Variants in MAML2 observed in about 807,000 individuals in gnomAD.
The protein encoded by MAML2 is mastermind-like protein 2.
In MAML2, 22 loss-of-function variants were observed where a neutral mutation model predicts 96.1. That is an observed-to-expected ratio of 0.23 (90% CI 0.16 to 0.33). MAML2 has a LOEUF of 0.33. MAML2 is among the 10% of genes least tolerant of loss of function. The pLI is 1.00. For missense variants in MAML2, 1,367 were observed against 1,392.4 expected (o/e 0.98, Z 0.29); for synonymous variants, 561 against 521.3 (o/e 1.08, Z -1.04).
At chr11:96,003,434 T>TC (rs397849584) in intron 2 of MAML2, among the ~76,000 whole-genome samples, 1 of 152,032 alleles carries the variant, frequency 6.6e-6, no homozygotes, top group South Asian at 2.1e-4. Context: ...TTGTCTTTTT[T>TC]CCCCACATGT....
intron 1 of MAML2, among the ~76,000 whole-genome samples, chr11:96,333,583 G>A (rs143192708): frequency 6.6e-6 from 1 of 152,312 alleles, no homozygotes; most frequent in African/African-American, 2.4e-5. Context: ...CACTTGAGGA[G>A]GTACTGAGTA....
chr11:96,045,728 C>T (rs995816143), intron 2 of MAML2, among the ~76,000 whole-genome samples: 1 of 152,148 alleles, frequency 6.6e-6, no homozygotes, highest in African/African-American at 2.4e-5. Flanking sequence ...CTGAGTTAAA[C>T]AGAGAATACC....
Position 96,341,913 on chromosome 11 carries a change from T to TTGC in MAML2, c.-21_-19dup. 6.7e-7 allele frequency: 1 copy of TTGC among 1,496,844 alleles called. No homozygotes were observed. Among genetic ancestry groups the TTGC allele is most frequent in the Non-Finnish European group, 8.9e-7 (1 of 1,127,584 alleles). The allele number at this position is 1,496,844 out of a possible 1,614,324, so 92.7% of individuals were successfully genotyped here. On this transcript the variant is annotated 5_prime_UTR_variant, in exon 1 of 5. Coordinates refer to ENST00000524717, the MANE Select transcript of MAML2 (RefSeq NM_032427.4). ...TCCCCCATCTTACCGGACACAATGA[T>TTGC]TGCTGCCTCTGGGATGGTGAGGTGG...
In MAML2 at chr11:95,977,962, G is replaced by C. The variant is rs146685115; in HGVS notation, c.*986C>G. On this transcript the variant is annotated 3_prime_UTR_variant, in exon 5 of 5. Transcript: ENST00000524717. Reference sequence around the variant, plus strand: ...CAAAACATGATATTTTCTAATCTCGGTTTTCTTCTCCAAACTTCCTTTTCT... The same window carrying C: ...CAAAACATGATATTTTCTAATCTCGCTTTTCTTCTCCAAACTTCCTTTTCT... 1.2e-4 allele frequency: 26 copies of C among 222,534 alleles called. No homozygotes were observed. Among genetic ancestry groups the C allele is most frequent in the African/African-American group, 5.8e-4 (26 of 44,810 alleles). 13.8% of individuals were successfully genotyped at this position (222,534 alleles called of 1,614,324 possible). A position where few individuals can be genotyped will look rare whatever the true frequency, so the allele number is the denominator to read the frequency against.
intron 1 of MAML2, among the ~76,000 whole-genome samples, chr11:96,120,594 T>A (rs781169272): frequency 1.3e-5 from 2 of 152,224 alleles, no homozygotes; most frequent in Admixed American, 6.5e-5. Flanking sequence ...TGCTTTTGGA[T>A]AATTATATCA....
chr11:96,003,047 G>A (rs1328949513), intron 2 of MAML2, among the ~76,000 whole-genome samples: 1 of 146,470 alleles, frequency 6.8e-6, no homozygotes, highest in Non-Finnish European at 1.5e-5. Context: ...GAGGATGATG[G>A]GGATGATGAA....
intron 1 of MAML2, among the ~76,000 whole-genome samples, chr11:96,166,215 A>ACACACACACACACACC (rs1372110272): frequency 6.9e-6 from 1 of 145,274 alleles, no homozygotes; most frequent in African/African-American, 2.6e-5. Flanking sequence ...ACACACACAC[A>ACACACACACACACACC]CCCCACATTA....
intron 2 of MAML2, among the ~76,000 whole-genome samples, chr11:96,002,821 TGAG>T (rs149826690): frequency 2.3e-4 from 29 of 123,796 alleles, no homozygotes; most frequent in South Asian, 2.7e-4. Flanking sequence ...ATGGGGATGA[TGAG>T]GAGGATGATG....
chr11:96,311,616 A>C (rs1161016197), intron 1 of MAML2, among the ~76,000 whole-genome samples: 6 of 152,178 alleles, frequency 3.9e-5, no homozygotes, highest in Non-Finnish European at 8.8e-5. Context: ...GAGGTTCGAA[A>C]CACAGTCTTA....
At chr11:96,033,429 G>A (rs1858650305) in intron 2 of MAML2, among the ~76,000 whole-genome samples, 1 of 152,184 alleles carries the variant, frequency 6.6e-6, no homozygotes, top group African/African-American at 2.4e-5. Context: ...TGGCAGGAAT[G>A]CCATAAAGAA....
intron 1 of MAML2, among the ~76,000 whole-genome samples, chr11:96,122,307 T>TC (rs936857431): frequency 2.6e-5 from 4 of 152,074 alleles, no homozygotes; most frequent in African/African-American, 9.7e-5. Flanking sequence ...CTGCAGATTT[T>TC]TTTTTTTTCC....
intron 2 of MAML2, among the ~76,000 whole-genome samples, chr11:96,017,708 G>A (rs949772615): frequency 3.3e-4 from 50 of 152,070 alleles, no homozygotes; most frequent in Admixed American, 3.2e-3. Context: ...GGAGAGCCTT[G>A]TGCACAGTGG....
chr11:96,162,867 T>C (rs551557), intron 1 of MAML2, among the ~76,000 whole-genome samples: 45 of 152,222 alleles, frequency 3.0e-4, no homozygotes, highest in Admixed American at 1.3e-4. Flanking sequence ...TGGCATAGTT[T>C]GATTAAATGA....
intron 2 of MAML2, among the ~76,000 whole-genome samples, chr11:96,060,454 T>A (rs1283818301): frequency 6.6e-6 from 1 of 152,142 alleles, no homozygotes; most frequent in Non-Finnish European, 1.5e-5. Flanking sequence ...TTCTATTTTT[T>A]TTTTTCCAGA....
At chr11:96,075,977 G>A (rs1859428053) in intron 2 of MAML2, among the ~76,000 whole-genome samples, 1 of 152,168 alleles carries the variant, frequency 6.6e-6, no homozygotes, top group Non-Finnish European at 1.5e-5. Flanking sequence ...TGAACCTTGG[G>A]TGGCCCTGCT....
chr11:96,168,906 T>C (rs940684179), intron 1 of MAML2, among the ~76,000 whole-genome samples: 3 of 152,238 alleles, frequency 2.0e-5, no homozygotes, highest in Non-Finnish European at 2.9e-5. Flanking sequence ...TTCACAAGAA[T>C]TGGCAACGCA....
chr11:96,093,336 G>A lies in MAML2; in HGVS notation c.695C>T (p.Thr232Ile), dbSNP rs746015067. ...CAGGGGTGCTTGGCTCATAGGCAAGGTCCCTGACATAATCTGACTTTGTCC... is the reference window on the plus strand; with the variant it reads ...CAGGGGTGCTTGGCTCATAGGCAAGATCCCTGACATAATCTGACTTTGTCC... Reference protein sequence around the residue: ...NNGQSQIMSGTLPMSQAPLRK... With the variant: ...NNGQSQIMSGILPMSQAPLRK... The change falls in exon 2 of 5, where the codon ACC becomes ATC. Residue 232 changes from threonine (T) to isoleucine (I), a missense_variant. By Grantham distance (89) the Thr-to-Ile change is moderately conservative. Transcript: ENST00000524717. 1.2e-6 allele frequency: 2 copies of A among 1,613,980 alleles called. No homozygotes were observed. The highest frequency in any genetic ancestry group is 1.7e-6 in the Non-Finnish European group (2 of 1,179,900).
intron 1 of MAML2, among the ~76,000 whole-genome samples, chr11:96,293,545 G>T (rs1475270241): frequency 1.3e-5 from 2 of 152,124 alleles, no homozygotes; most frequent in African/African-American, 2.4e-5. Flanking sequence ...ACTAAAAAGA[G>T]AAAGTTTGAA....
chr11:96,280,188 C>T (rs1863045096), intron 1 of MAML2, among the ~76,000 whole-genome samples: 1 of 152,126 alleles, frequency 6.6e-6, no homozygotes. Context: ...GGAAAGCAGA[C>T]ACTGTGTAGT....
Sources: gnomAD v4.1 joint callset for allele counts (sites outside exome capture counted in the v4.1 genomes callset) on GRCh38, gnomAD v4.1.1 for gene constraint, MANE v1.5 for transcripts, NCBI Gene and HGNC (gene_info 2026-07-23, HGNC 2026-07-21) for gene names.